CACNB2: variants seen among roughly 807,000 people sequenced by gnomAD.
The protein encoded by CACNB2 is voltage-dependent L-type calcium channel subunit beta-2.
A neutral mutation model predicts 73.3 loss-of-function variants in CACNB2; 42 were observed. That is an observed-to-expected ratio of 0.57 (90% CI 0.45 to 0.74). The LOEUF is 0.74. Ranked by LOEUF, CACNB2 falls within the 30% of genes least tolerant of loss-of-function variation. CACNB2 has a pLI of 0.00. For missense variants in CACNB2, 940 were observed against 853.0 expected (o/e 1.10, Z -1.27); for synonymous variants, 348 against 310.3 (o/e 1.12, Z -1.28).
chr10:18,511,901 A>AG (rs2050814442), intron 6 of CACNB2, among the ~76,000 whole-genome samples: 1 of 152,208 alleles, frequency 6.6e-6, no homozygotes, highest in South Asian at 2.1e-4. Context: ...CAGGAGGAGT[A>AG]GGTCTGAATC....
At position 18,539,959 on chromosome 10, in the gene CACNB2, CTGGACTCTT is replaced by C; in HGVS notation, c.*236_*244del. ...ATGGCTGCAGTCCTCCGGTTGCATACTGGACTCTTCAAAAACTGTTTTGGGTAGCTGCCA... is the reference window on the plus strand; with the variant it reads ...ATGGCTGCAGTCCTCCGGTTGCATACCAAAAACTGTTTTGGGTAGCTGCCA... On this transcript the variant is annotated 3_prime_UTR_variant, in exon 14 of 14. Coordinates refer to ENST00000324631, the MANE Select transcript of CACNB2 (RefSeq NM_201596.3). 1 of 462,834 alleles carries C rather than the reference CTGGACTCTT, an allele frequency of 2.2e-6. No individual in the cohort carries two copies. The highest frequency in any genetic ancestry group is 3.8e-6 in the Non-Finnish European group (1 of 261,294). The allele number at this position is 462,834 out of a possible 1,614,324, so 28.7% of individuals were successfully genotyped here.
intron 2 of CACNB2, among the ~76,000 whole-genome samples, chr10:18,397,185 G>A (rs568649755): frequency 3.9e-5 from 6 of 152,332 alleles, no homozygotes; most frequent in African/African-American, 1.2e-4. Flanking sequence ...GAAAAAGGGT[G>A]GCCAGGTGTA....
chr10:18,536,824 A>G (rs1290645360), intron 12 of CACNB2, among the ~76,000 whole-genome samples: 3 of 152,204 alleles, frequency 2.0e-5, no homozygotes, highest in Non-Finnish European at 2.9e-5. Context: ...TGGAGTTGGT[A>G]TATTATTCAT....
chr10:18,184,750 C>T (rs1165629982), intron 2 of CACNB2, among the ~76,000 whole-genome samples: 1 of 145,516 alleles, frequency 6.9e-6, no homozygotes, highest in Non-Finnish European at 1.5e-5. Flanking sequence ...TTCTAGGATA[C>T]AGGTGCAGGA....
At position 18,356,926 on chromosome 10, in the gene CACNB2, G is replaced by C. The variant is rs944863480; in HGVS notation, c.214-44998G>C. ...ATTACAGGCTTGAGCCACTGTGCCT[G>C]GCCCAGACTCAATTTCTTTTTTTTT... On this transcript the variant is annotated intron_variant, in intron 2 of 13. Transcript: ENST00000324631. Among the ~76,000 whole-genome samples, 3 of 142,092 alleles carry C rather than the reference G, an allele frequency of 2.1e-5. No individual in the cohort carries two copies. The Admixed American group carries it at 2.2e-4, about 10-fold the overall frequency. The allele number at this position is 142,092 out of a possible 152,430, so 93.2% of individuals were successfully genotyped here.
At position 18,361,413 on chromosome 10, in the gene CACNB2, C is replaced by A. The variant is rs898080179; in HGVS notation, c.214-40511C>A. On this transcript the variant is annotated intron_variant, in intron 2 of 13. Coordinates refer to ENST00000324631, the MANE Select transcript of CACNB2 (RefSeq NM_201596.3). ...ACTTGGGAGGCTGAGGCTGGAGAATCGCTTGAATCCAGGAGGTGGAGGTTG... is the reference window on the plus strand; with the variant it reads ...ACTTGGGAGGCTGAGGCTGGAGAATAGCTTGAATCCAGGAGGTGGAGGTTG... Among the ~76,000 whole-genome samples, 7 of 150,384 alleles carry A rather than the reference C, an allele frequency of 4.7e-5. No individual in the cohort carries two copies. The Admixed American group carries it at 4.7e-4, about 10-fold the overall frequency.
chr10:18,284,033 C>G (rs1411079748), intron 2 of CACNB2, among the ~76,000 whole-genome samples: 1 of 150,428 alleles, frequency 6.6e-6, no homozygotes, highest in Non-Finnish European at 1.5e-5. Context: ...TTCCTTTTTT[C>G]AAAAATACAC....
chr10:18,441,129 G>A (rs1002117442), intron 3 of CACNB2, among the ~76,000 whole-genome samples: 2 of 152,226 alleles, frequency 1.3e-5, no homozygotes, highest in East Asian at 1.9e-4. Flanking sequence ...ATCCGGCTGG[G>A]TGTGGTGGCT....
intron 2 of CACNB2, among the ~76,000 whole-genome samples, chr10:18,222,683 T>A (rs1588746820): frequency 6.6e-6 from 1 of 152,188 alleles, no homozygotes. Flanking sequence ...ATGCCTGTAA[T>A]CCCAGCACTT....
At chr10:18,477,105 G>A (rs1332612662) in intron 3 of CACNB2, among the ~76,000 whole-genome samples, 4 of 152,024 alleles carry the variant, frequency 2.6e-5, no homozygotes, top group Non-Finnish European at 5.9e-5. Context: ...TGGTCCTTTT[G>A]TTATTTGAGC....
intron 2 of CACNB2, among the ~76,000 whole-genome samples, chr10:18,221,861 T>C (rs2035806177): frequency 6.6e-6 from 1 of 152,234 alleles, no homozygotes; most frequent in Non-Finnish European, 1.5e-5. Flanking sequence ...TTTTGTGTTC[T>C]GTCTTTATCA....
At chr10:18,382,375 T>A (rs573122191) in intron 2 of CACNB2, among the ~76,000 whole-genome samples, 6 of 150,992 alleles carry the variant, frequency 4.0e-5, no homozygotes, top group Non-Finnish European at 7.4e-5. Flanking sequence ...CCTCTTTTTT[T>A]AAAATTTTTT....
intron 7 of CACNB2, chr10:18,514,946 A>T: frequency 6.6e-7 from 1 of 1,509,464 alleles, no homozygotes; most frequent in Non-Finnish European, 9.2e-7. Flanking sequence ...TTCAAGTTTT[A>T]ATTTAGTCAG....
At chr10:18,362,276 A>T (rs1589141062) in intron 2 of CACNB2, among the ~76,000 whole-genome samples, 1 of 152,242 alleles carries the variant, frequency 6.6e-6, no homozygotes, top group African/African-American at 2.4e-5. Flanking sequence ...TTTCAACTTA[A>T]TTTGTATTTC....
intron 2 of CACNB2, among the ~76,000 whole-genome samples, chr10:18,299,727 A>G (rs1453498499): frequency 6.6e-6 from 1 of 152,146 alleles, no homozygotes; most frequent in Non-Finnish European, 1.5e-5. Context: ...TAAAAATAAA[A>G]AAAAACTTTC....
intron 2 of CACNB2, among the ~76,000 whole-genome samples, chr10:18,164,266 T>C (rs1204734168): frequency 2.0e-5 from 3 of 152,174 alleles, no homozygotes; most frequent in South Asian, 2.1e-4. Flanking sequence ...TGTAAAGCCC[T>C]TTGAACCAGT....
At chr10:18,393,610 C>A (rs10828625) in intron 2 of CACNB2, among the ~76,000 whole-genome samples, 99,752 of 152,088 alleles carry the variant, frequency 0.66, 32,963 homozygotes, top group East Asian at 0.74. Flanking sequence ...GTTCCTTTTG[C>A]ACTGAAAGAA....
At chr10:18,470,309 A>G (rs559305340) in intron 3 of CACNB2, among the ~76,000 whole-genome samples, 4 of 149,542 alleles carry the variant, frequency 2.7e-5, no homozygotes, top group Non-Finnish European at 5.9e-5. Flanking sequence ...CAACATGTAT[A>G]TAATATATAT....
intron 2 of CACNB2, among the ~76,000 whole-genome samples, chr10:18,171,522 A>G (rs11012862): frequency 0.022 from 1,176 of 54,118 alleles, 3 homozygotes; most frequent in East Asian, 0.067. Flanking sequence ...TTGATAGCAG[A>G]AAAAAAAAAA....
Sources: gnomAD v4.1 joint callset for allele counts (sites outside exome capture counted in the v4.1 genomes callset) on GRCh38, gnomAD v4.1.1 for gene constraint, MANE v1.5 for transcripts, NCBI Gene and HGNC (gene_info 2026-07-23, HGNC 2026-07-21) for gene names.